The following RNF111 variants were observed in gnomAD, a reference collection of about 807,000 sequenced individuals.
RNF111 encodes E3 ubiquitin-protein ligase Arkadia.
RNF111 carries 17 observed loss-of-function variants against 95.1 expected under a neutral mutation model. The ratio of observed to expected loss-of-function variants is 0.18; its 90% CI spans 0.12 to 0.27. RNF111 has a LOEUF of 0.27. RNF111 is among the 10% of genes least tolerant of loss of function. RNF111 has a pLI of 1.00. For missense variants in RNF111, 1,189 were observed against 1,210.4 expected (o/e 0.98, Z 0.26); for synonymous variants, 440 against 414.8 (o/e 1.06, Z -0.74).
At position 59,058,422 on chromosome 15, in the gene RNF111, A is replaced by G; in HGVS notation, c.1238A>G (p.Asn413Ser). The G allele has an allele frequency of 1.9e-6, 3 of 1,614,148 alleles. No homozygotes were observed. Among genetic ancestry groups the G allele is most frequent in the Non-Finnish European group, 1.7e-6 (2 of 1,180,002 alleles). The part of the protein sequence containing the change: ...ESQATSASIN[N>S]SNPSTSEQAS... Reference sequence around the variant, plus strand: ...CAAGCTACTAGCGCTTCCATTAACAATTCAAATCCATCTACCTCTGAGCAG... The same window carrying G: ...CAAGCTACTAGCGCTTCCATTAACAGTTCAAATCCATCTACCTCTGAGCAG... The change falls in exon 5 of 14, where the codon AAT (asparagine) becomes AGT (serine). Residue 413 changes from asparagine to serine, a missense_variant. Coordinates refer to ENST00000348370, the MANE Select transcript of RNF111 (RefSeq NM_017610.8).
At chr15:59,080,299 T>A (rs1417680897) in intron 7 of RNF111, among the ~76,000 whole-genome samples, 1 of 151,968 alleles carries the variant, frequency 6.6e-6, no homozygotes, top group South Asian at 2.1e-4. Flanking sequence ...TTTTGTATTT[T>A]TAGTGGAGAC....
chr15:59,030,758 A>C (rs1225996600), intron 1 of RNF111, 46 bp from the exon 2 acceptor site: 2 of 1,349,410 alleles, frequency 1.5e-6, no homozygotes, highest in African/African-American at 2.9e-5. Context: ...AAATAGTATA[A>C]TAAAACACAT....
At chr15:59,025,239 C>T (rs1596118720) in intron 1 of RNF111, among the ~76,000 whole-genome samples, 1 of 152,152 alleles carries the variant, frequency 6.6e-6, no homozygotes, top group East Asian at 1.9e-4. Context: ...ATAACTTTCT[C>T]CTTTCTACTA....
At chr15:59,072,954 G>A (rs2043006032) in intron 6 of RNF111, among the ~76,000 whole-genome samples, 1 of 151,594 alleles carries the variant, frequency 6.6e-6, no homozygotes, top group East Asian at 1.9e-4. Flanking sequence ...TTGTGGGGCT[G>A]AGGTGGGAGG....
At chr15:59,090,009 A>G (rs1003540977) in intron 11 of RNF111, among the ~76,000 whole-genome samples, 1 of 152,240 alleles carries the variant, frequency 6.6e-6, no homozygotes, top group African/African-American at 2.4e-5. Context: ...AATGTATTAA[A>G]TCAATATAAA....
chr15:59,086,251 C>G (rs2078897843), intron 10 of RNF111, among the ~76,000 whole-genome samples: 1 of 152,124 alleles, frequency 6.6e-6, no homozygotes, highest in African/African-American at 2.4e-5. Flanking sequence ...TCCCAAGTAG[C>G]TGGGATTACA....
chr15:59,013,159 A>T (rs1229554400), intron 1 of RNF111, among the ~76,000 whole-genome samples: 3 of 152,200 alleles, frequency 2.0e-5, no homozygotes, highest in African/African-American at 7.2e-5. Flanking sequence ...GATCAGGGGA[A>T]GTTTGTAAAT....
At chr15:59,072,891 A>C (rs556140723) in intron 6 of RNF111, among the ~76,000 whole-genome samples, 4 of 151,718 alleles carry the variant, frequency 2.6e-5, no homozygotes, top group South Asian at 2.1e-4. Context: ...AAAAAAAAAA[A>C]AACAAAACAC....
intron 1 of RNF111, among the ~76,000 whole-genome samples, chr15:59,021,884 CAG>C (rs777623019): frequency 1.3e-5 from 2 of 151,476 alleles, no homozygotes; most frequent in Non-Finnish European, 2.9e-5. Context: ...TTTTTTGAGT[CAG>C]AGTTTGCTCT....
chr15:59,080,729 C>G (rs370030661), intron 7 of RNF111, among the ~76,000 whole-genome samples: 4 of 151,976 alleles, frequency 2.6e-5, no homozygotes, highest in African/African-American at 7.3e-5. Flanking sequence ...TGAAGTTAAA[C>G]TATAATATAT....
intron 7 of RNF111, among the ~76,000 whole-genome samples, chr15:59,079,542 G>A (rs2140159099): frequency 6.6e-6 from 1 of 152,268 alleles, no homozygotes; most frequent in East Asian, 1.9e-4. Context: ...TGAATCAAAA[G>A]CATTAAAAAT....
intron 1 of RNF111, among the ~76,000 whole-genome samples, chr15:58,998,303 A>G (rs1432352720): frequency 6.6e-6 from 1 of 151,690 alleles, no homozygotes; most frequent in Non-Finnish European, 1.5e-5. Flanking sequence ...TTACATAGGT[A>G]AACTTGTGTC....
intron 2 of RNF111, among the ~76,000 whole-genome samples, chr15:59,045,311 C>T (rs2041656074): frequency 6.6e-6 from 1 of 151,984 alleles, no homozygotes; most frequent in Admixed American, 6.6e-5. Context: ...CTGCCTCAGC[C>T]TCCCGAGTAG....
intron 1 of RNF111, among the ~76,000 whole-genome samples, chr15:58,999,427 C>T (rs112016203): frequency 0.067 from 10,207 of 152,192 alleles, 497 homozygotes; most frequent in Admixed American, 0.18. Flanking sequence ...TCTCCGCCCC[C>T]CAGGTTCAAG....
intron 1 of RNF111, among the ~76,000 whole-genome samples, chr15:59,011,420 T>C (rs1471060064): frequency 6.6e-6 from 1 of 152,226 alleles, no homozygotes; most frequent in African/African-American, 2.4e-5. Flanking sequence ...CTAGCACATT[T>C]AAGGTACTCA....
chr15:59,052,096 A>G (rs1359248534), intron 2 of RNF111, among the ~76,000 whole-genome samples: 1 of 152,228 alleles, frequency 6.6e-6, no homozygotes, highest in Non-Finnish European at 1.5e-5. Flanking sequence ...GGAAGTAAAC[A>G]TGCAAAGAAG....
chr15:59,059,687 G>A (rs2042352630), intron 5 of RNF111, among the ~76,000 whole-genome samples: 1 of 152,040 alleles, frequency 6.6e-6, no homozygotes, highest in African/African-American at 2.4e-5. Context: ...CTTATCTCAA[G>A]CTAGTTCTTA....
At chr15:59,080,114 C>CTTTTTTTTTTTTTTTTTTT (rs1194255542) in intron 7 of RNF111, among the ~76,000 whole-genome samples, 1 of 85,446 alleles carries the variant, frequency 1.2e-5, no homozygotes. Context: ...TTGTGTGCTC[C>CTTTTTTTTTTTTTTTTTTT]TTTTTTTTTT....
chr15:59,092,360 T>C (rs182552926), intron 12 of RNF111, among the ~76,000 whole-genome samples, 177 bp from the exon 13 acceptor site: 1 of 152,256 alleles, frequency 6.6e-6, no homozygotes, highest in Admixed American at 6.5e-5. Context: ...AAAAATATAC[T>C]TAATTGATGA....
Sources: gnomAD v4.1 joint callset for allele counts (sites outside exome capture counted in the v4.1 genomes callset) on GRCh38, gnomAD v4.1.1 for gene constraint, MANE v1.5 for transcripts, NCBI Gene and HGNC (gene_info 2026-07-23, HGNC 2026-07-21) for gene names.